RIPOR2: variants seen among roughly 807,000 people sequenced by gnomAD.
The protein encoded by RIPOR2 is RHO family interacting cell polarization regulator 2.
A neutral mutation model predicts 114.5 loss-of-function variants in RIPOR2; 39 were observed. The observed-to-expected ratio is 0.34, with a 90% CI of 0.26 to 0.44. The LOEUF (loss-of-function observed/expected upper bound fraction) is 0.44. Ranked by LOEUF, RIPOR2 falls within the 20% of genes least tolerant of loss-of-function variation. RIPOR2 has a pLI of 1.00. For missense variants in RIPOR2, 1,007 were observed against 1,255.1 expected, an observed-to-expected ratio of 0.80 and a Z score of 2.99; for synonymous variants, 445 against 484.4, an observed-to-expected ratio of 0.92 and a Z score of 1.07.
At chr6:24,825,544 A>G (rs1223478879) in intron 18 of RIPOR2, 116 bp from the exon 19 acceptor site, 6 of 698,348 alleles carry the variant, frequency 8.6e-6, no homozygotes, top group East Asian at 2.7e-5. Flanking sequence ...ACTCCAATAC[A>G]TATGAAAAAT....
chr6:24,916,612 A>G (rs866810476), intron 1 of RIPOR2, among the ~76,000 whole-genome samples: 9 of 152,208 alleles, frequency 5.9e-5, no homozygotes, highest in African/African-American at 2.2e-4. Flanking sequence ...CTATAGAAGC[A>G]TATTTCAACC....
At position 24,941,580 on chromosome 6, in the gene RIPOR2, A is replaced by G. The variant is rs558533212; in HGVS notation, c.77-65763T>C. Among the ~76,000 whole-genome samples, 9 of 152,318 alleles carry G rather than the reference A, an allele frequency of 5.9e-5. 1 individual carries two copies. The highest frequency in any genetic ancestry group is 2.6e-4 in the Admixed American group (4 of 15,294). On this transcript the variant is annotated intron_variant, in intron 1 of 13. Transcript: ENST00000510784. ...TGTCCCAAATTAAAATACAATCTAT[A>G]TTAATACATTGTGCTATCAATGCAA...
At chr6:24,855,181 A>C (rs1763336765) in intron 8 of RIPOR2, among the ~76,000 whole-genome samples, 1 of 152,092 alleles carries the variant, frequency 6.6e-6, no homozygotes, top group Admixed American at 6.5e-5. Context: ...GAGAAAATTA[A>C]ATTTTTGTCA....
intron 18 of RIPOR2, among the ~76,000 whole-genome samples, chr6:24,826,610 C>T (rs1760212739): frequency 6.6e-6 from 1 of 151,804 alleles, no homozygotes; most frequent in African/African-American, 2.4e-5. Context: ...TGGATTATAA[C>T]ATCTAAATTA....
intron 12 of RIPOR2, among the ~76,000 whole-genome samples, chr6:24,844,662 A>G (rs1762080056): frequency 6.6e-6 from 1 of 151,666 alleles, no homozygotes; most frequent in Admixed American, 6.6e-5. Flanking sequence ...CTTTGTAGTG[A>G]GACAGGATTT....
intron 1 of RIPOR2, among the ~76,000 whole-genome samples, chr6:24,970,523 C>T (rs1377288454): frequency 6.6e-6 from 1 of 152,114 alleles, no homozygotes; most frequent in Non-Finnish European, 1.5e-5. Context: ...TGAACTGGAC[C>T]CTCCTCAGGA....
chr6:24,940,934 G>A (rs1234166502), upstream of RIPOR2, among the ~76,000 whole-genome samples: 1 of 152,206 alleles, frequency 6.6e-6, no homozygotes, highest in Non-Finnish European at 1.5e-5. Context: ...GATTACAGGC[G>A]TGAGCCACTG....
At chr6:24,933,314 A>T (rs927168578) in intron 1 of RIPOR2, among the ~76,000 whole-genome samples, 1 of 152,242 alleles carries the variant, frequency 6.6e-6, no homozygotes, top group Non-Finnish European at 1.5e-5. Context: ...CAGCCATATG[A>T]GGTTTGGACT....
chr6:25,030,998 C>T lies in RIPOR2; in HGVS notation c.76+10853G>A, dbSNP rs138595976. ...AGATGTGAGCCACTGCACCCAGCGC[C>T]GGGGTCTTGCAATTGCACTTGCCCA... On this transcript the variant is annotated intron_variant, in intron 1 of 13. Coordinates refer to the RIPOR2 transcript ENST00000510784. The T allele has an allele frequency of 8.5e-3, 1,284 of 150,390 alleles. 9 individuals are homozygous for T. Among genetic ancestry groups the T allele is most frequent in the Non-Finnish European group, 0.013 (907 of 67,608 alleles). The allele number at this position is 150,390 out of a possible 1,614,324, so 9.3% of individuals were successfully genotyped here. A position where few individuals can be genotyped will look rare whatever the true frequency, so the allele number is the denominator to read the frequency against.
chr6:24,929,110 C>T (rs1040376155), intron 1 of RIPOR2, among the ~76,000 whole-genome samples: 4 of 151,844 alleles, frequency 2.6e-5, no homozygotes, highest in African/African-American at 9.7e-5. Flanking sequence ...AGAAACACTG[C>T]CAATTATATC....
At chr6:24,895,992 AAAAT>A (rs1211054798) in intron 1 of RIPOR2, among the ~76,000 whole-genome samples, 3 of 152,132 alleles carry the variant, frequency 2.0e-5, no homozygotes, top group African/African-American at 7.2e-5. Context: ...CTCCGTCTCA[AAAAT>A]AAATAAATAA....
intron 1 of RIPOR2, among the ~76,000 whole-genome samples, chr6:24,893,774 T>C (rs1487453264): frequency 6.6e-6 from 1 of 152,188 alleles, no homozygotes; most frequent in African/African-American, 2.4e-5. Context: ...AATCGTGTTG[T>C]CAGGGAACCT....
In RIPOR2 at chr6:24,995,266, C is replaced by T. The variant is rs143476897; in HGVS notation, c.76+46585G>A. Among the ~76,000 whole-genome samples, 1,040 of 152,284 alleles carry T rather than the reference C, an allele frequency of 6.8e-3. 6 individuals carry two copies. Among genetic ancestry groups the T allele is most frequent in the Non-Finnish European group, 0.012 (803 of 68,032 alleles). ...GAGACTTTTCCTGGGGTGGATGTGG[C>T]TGCAGAGGAGGGTGAGGCTTCAGCA... On this transcript the variant is annotated intron_variant, in intron 1 of 13. Coordinates refer to the RIPOR2 transcript ENST00000510784.
intron 1 of RIPOR2, among the ~76,000 whole-genome samples, chr6:25,039,572 G>A (rs1777383717): frequency 6.6e-6 from 1 of 152,190 alleles, no homozygotes; most frequent in Non-Finnish European, 1.5e-5. Context: ...TCAGATGTTA[G>A]TCTCAAAATT....
intron 14 of RIPOR2, among the ~76,000 whole-genome samples, chr6:24,837,703 C>T (rs116413414): frequency 0.022 from 3,297 of 152,314 alleles, 125 homozygotes; most frequent in African/African-American, 0.072. Flanking sequence ...AGCCATCATG[C>T]CTGGCCAAAT....
At chr6:25,000,911 C>A (rs1401064203) in intron 1 of RIPOR2, among the ~76,000 whole-genome samples, 8 of 152,196 alleles carry the variant, frequency 5.3e-5, no homozygotes, top group Non-Finnish European at 1.0e-4. Context: ...AACATAATTC[C>A]TGTATATTGA....
At chr6:24,906,718 C>T (rs1581767238) in intron 1 of RIPOR2, among the ~76,000 whole-genome samples, 1 of 152,190 alleles carries the variant, frequency 6.6e-6, no homozygotes, top group East Asian at 1.9e-4. Context: ...CTCACTGCAG[C>T]CTTGACCTTC....
intron 15 of RIPOR2, among the ~76,000 whole-genome samples, chr6:24,834,565 A>T (rs1341275887): frequency 1.3e-5 from 2 of 151,982 alleles, no homozygotes; most frequent in Non-Finnish European, 2.9e-5. Flanking sequence ...TACTTTAGAC[A>T]ATTCAGCATG....
At chr6:24,990,763 C>T (rs1230150742) in intron 1 of RIPOR2, among the ~76,000 whole-genome samples, 1 of 152,114 alleles carries the variant, frequency 6.6e-6, no homozygotes. Context: ...AAGTAAAGTA[C>T]TTAGTAGAGC....
Sources: allele counts gnomAD v4.1 joint callset (sites outside exome capture counted in the v4.1 genomes callset), GRCh38; gene constraint gnomAD v4.1.1; transcripts MANE v1.5; gene names NCBI Gene and HGNC (gene_info 2026-07-23, HGNC 2026-07-21).